Variants in PRKAR2B observed in about 807,000 individuals in gnomAD.
PRKAR2B encodes the protein cAMP-dependent protein kinase type II-beta regulatory subunit.
PRKAR2B carries 14 observed loss-of-function variants against 49.9 expected under a neutral mutation model. That is an observed-to-expected ratio of 0.28 (90% confidence interval 0.19 to 0.44). The LOEUF is 0.44. PRKAR2B is among the 20% of genes least tolerant of loss of function. The pLI, the probability that PRKAR2B is intolerant of heterozygous loss-of-function variation, is 1.00. For synonymous variants in PRKAR2B, 196 were observed against 197.7 expected, an observed-to-expected ratio of 0.99 and a Z score of 0.07; for missense variants, 393 against 537.9, an observed-to-expected ratio of 0.73 and a Z score of 2.67.
chr7:107,099,848 A>G (rs1185874623), intron 2 of PRKAR2B, among the ~76,000 whole-genome samples: 18 of 151,846 alleles, frequency 1.2e-4, no homozygotes, highest in Non-Finnish European at 4.4e-5. Flanking sequence ...GTTAGCCAGG[A>G]TGGTCTTGAT....
chr7:107,104,486 T>TG (rs909012571), intron 2 of PRKAR2B, among the ~76,000 whole-genome samples: 3 of 152,106 alleles, frequency 2.0e-5, no homozygotes, highest in African/African-American at 7.2e-5. Context: ...TGGGCCTCGT[T>TG]GGGGGGGTAT....
At chr7:107,051,116 T>A (rs1411342712) in intron 1 of PRKAR2B, among the ~76,000 whole-genome samples, 1 of 152,232 alleles carries the variant, frequency 6.6e-6, no homozygotes, top group Non-Finnish European at 1.5e-5. Flanking sequence ...TTGGTAGGTT[T>A]TGGCCTTATA....
intron 4 of PRKAR2B, among the ~76,000 whole-genome samples, 160 bp downstream of exon 4, chr7:107,128,455 C>T (rs765908677): frequency 6.6e-6 from 1 of 152,168 alleles, no homozygotes; most frequent in Non-Finnish European, 1.5e-5. Context: ...GTAGGTTGAA[C>T]TGCAGGAGAG....
At chr7:107,135,267 G>A (rs1330963883) in intron 4 of PRKAR2B, among the ~76,000 whole-genome samples, 1 of 152,070 alleles carries the variant, frequency 6.6e-6, no homozygotes, top group African/African-American at 2.4e-5. Flanking sequence ...CCCCACCGGG[G>A]TAGTTACAAT....
chr7:107,089,562 A>G (rs898032146), intron 2 of PRKAR2B, among the ~76,000 whole-genome samples: 2 of 152,226 alleles, frequency 1.3e-5, no homozygotes, highest in African/African-American at 4.8e-5. Flanking sequence ...CATTTTTCCT[A>G]TGGTAAAATA....
chr7:107,049,980 G>A (rs1321189499), intron 1 of PRKAR2B, among the ~76,000 whole-genome samples: 1 of 152,168 alleles, frequency 6.6e-6, no homozygotes, highest in Non-Finnish European at 1.5e-5. Context: ...GTTAGAGATA[G>A]TGATTGTGAT....
intron 1 of PRKAR2B, among the ~76,000 whole-genome samples, chr7:107,056,578 T>C (rs1584402953): frequency 6.6e-6 from 1 of 152,344 alleles, no homozygotes; most frequent in African/African-American, 2.4e-5. Context: ...TTTGAAGCAA[T>C]TGTGAATGGG....
intron 4 of PRKAR2B, among the ~76,000 whole-genome samples, chr7:107,130,736 T>G (rs1584444419): frequency 1.3e-5 from 2 of 152,166 alleles, no homozygotes; most frequent in Admixed American, 1.3e-4. Flanking sequence ...TGAGTTGATA[T>G]CAAAGCTAGC....
intron 1 of PRKAR2B, among the ~76,000 whole-genome samples, chr7:107,056,457 G>T (rs536220839): frequency 6.6e-6 from 1 of 152,306 alleles, no homozygotes; most frequent in Admixed American, 6.5e-5. Flanking sequence ...AGCATGGAAT[G>T]TTCTTCCATT....
intron 5 of PRKAR2B, among the ~76,000 whole-genome samples, chr7:107,144,106 C>T (rs10245044): frequency 0.56 from 83,883 of 148,556 alleles, 23,700 homozygotes; most frequent in African/African-American, 0.66. Flanking sequence ...ATTTTTGAGG[C>T]GGAGTCTTGC....
intron 4 of PRKAR2B, among the ~76,000 whole-genome samples, chr7:107,135,602 A>G (rs1795683963): frequency 6.6e-6 from 1 of 152,212 alleles, no homozygotes; most frequent in Admixed American, 6.5e-5. Context: ...TTTGAAATTA[A>G]AAATACAATA....
At chr7:107,146,175 C>A in intron 5 of PRKAR2B, 133 bp from the exon 6 acceptor site, 5 of 876,980 alleles carry the variant, frequency 5.7e-6, no homozygotes, top group Non-Finnish European at 8.5e-6. Flanking sequence ...CAGATTGATT[C>A]CCCTTTATTG....
At chr7:107,146,516 CG>C in intron 6 of PRKAR2B, 55 bp downstream of exon 6, 1 of 1,538,718 alleles carries the variant, frequency 6.5e-7, no homozygotes, top group Non-Finnish European at 8.9e-7. Flanking sequence ...ATTGCTATGA[CG>C]GTGTTACAAA....
chr7:107,074,799 AAAAT>A (rs945563998), intron 2 of PRKAR2B, among the ~76,000 whole-genome samples: 1 of 152,050 alleles, frequency 6.6e-6, no homozygotes, highest in Non-Finnish European at 1.5e-5. Context: ...GACTGCGTTT[AAAAT>A]AAATAAATAA....
intron 1 of PRKAR2B, among the ~76,000 whole-genome samples, chr7:107,047,147 T>TAAAACTTTTTGACTGC (rs1793714253): frequency 6.6e-6 from 1 of 152,190 alleles, no homozygotes; most frequent in Non-Finnish European, 1.5e-5. Flanking sequence ...CCAAGGACTT[T>TAAAACTTTTTGACTGC]AAAACTTTTT....
intron 2 of PRKAR2B, among the ~76,000 whole-genome samples, chr7:107,083,020 T>C (rs1460413611): frequency 6.6e-6 from 1 of 152,092 alleles, no homozygotes; most frequent in East Asian, 1.9e-4. Flanking sequence ...TAACAGAGAT[T>C]CTGAGGCAGA....
intron 2 of PRKAR2B, among the ~76,000 whole-genome samples, chr7:107,099,122 C>A (rs974014598): frequency 6.6e-6 from 1 of 152,198 alleles, no homozygotes; most frequent in Non-Finnish European, 1.5e-5. Flanking sequence ...GAGGTGGAGT[C>A]TACAGAGGCA....
chr7:107,111,491 AGTG>A (rs1204889137), intron 2 of PRKAR2B, among the ~76,000 whole-genome samples: 1 of 152,184 alleles, frequency 6.6e-6, no homozygotes, highest in Non-Finnish European at 1.5e-5. Context: ...GTGCAGTCCC[AGTG>A]GTGGTGGTCA....
chr7:107,092,277 C>CTGTGTGTG (rs34049788), intron 2 of PRKAR2B, among the ~76,000 whole-genome samples: 23 of 146,102 alleles, frequency 1.6e-4, no homozygotes, highest in East Asian at 6.0e-4. Context: ...GTGCGTGTGT[C>CTGTGTGTG]TGTGTGTGTG....
Sources: gnomAD v4.1 joint callset for allele counts (sites outside exome capture counted in the v4.1 genomes callset) on GRCh38, gnomAD v4.1.1 for gene constraint, MANE v1.5 for transcripts, NCBI Gene and HGNC (gene_info 2026-07-23, HGNC 2026-07-21) for gene names.